NF2: variants seen among roughly 807,000 people sequenced by gnomAD.
The protein encoded by NF2 is NF2, moesin-ezrin-radixin like (MERLIN) tumor suppressor.
Under a neutral mutation model 83.7 loss-of-function variants are expected in NF2, and 8 were observed. That is an observed-to-expected ratio of 0.10 (90% CI 0.06 to 0.17). The LOEUF is 0.17. Ranked by LOEUF, NF2 falls within the 10% of genes least tolerant of loss-of-function variation. The pLI, the probability that NF2 is intolerant of heterozygous loss-of-function variation, is 1.00. For synonymous variants in NF2, 266 were observed against 269.6 expected (o/e 0.99, Z 0.13); for missense variants, 533 against 744.4 (o/e 0.72, Z 3.31).
At chr22:29,681,054 C>CT (rs572113720) in intron 14 of NF2, among the ~76,000 whole-genome samples, 8,343 of 143,620 alleles carry the variant, frequency 0.058, 299 homozygotes, top group Non-Finnish European at 0.083. Context: ...CTTTCCTTTT[C>CT]TTTTTTTTTT....
intron 13 of NF2, 25 bp downstream of exon 13, chr22:29,674,966 G>A (rs2147094412): frequency 6.5e-7 from 1 of 1,540,538 alleles, no homozygotes; most frequent in Non-Finnish European, 8.8e-7. Flanking sequence ...CACCAGCTGG[G>A]GCTGCCTTAG....
At chr22:29,633,647 C>T (rs2065573387) in intron 1 of NF2, among the ~76,000 whole-genome samples, 2 of 152,220 alleles carry the variant, frequency 1.3e-5, no homozygotes, top group Admixed American at 1.3e-4. Flanking sequence ...AGTTGAGCCA[C>T]CTGGTCCCAA....
At chr22:29,620,476 A>G (rs1460532601) in intron 1 of NF2, among the ~76,000 whole-genome samples, 1 of 152,048 alleles carries the variant, frequency 6.6e-6, no homozygotes, top group Non-Finnish European at 1.5e-5. Context: ...ATGGTGGCTC[A>G]TTCCTGTAAT....
intron 7 of NF2, among the ~76,000 whole-genome samples, chr22:29,660,954 T>C (rs2066460781): frequency 6.6e-6 from 1 of 152,242 alleles, no homozygotes; most frequent in African/African-American, 2.4e-5. Flanking sequence ...CCTTTAGCCA[T>C]CGAGCCAGTG....
At chr22:29,640,194 T>TAAA (rs11379333) in intron 3 of NF2, among the ~76,000 whole-genome samples, 353 of 92,786 alleles carry the variant, frequency 3.8e-3, no homozygotes, top group African/African-American at 0.013. Flanking sequence ...GACTCTGTCT[T>TAAA]AAAAAAAAAA....
intron 1 of NF2, among the ~76,000 whole-genome samples, chr22:29,625,945 T>C (rs575679401): frequency 1.3e-5 from 2 of 152,216 alleles, no homozygotes; most frequent in Non-Finnish European, 2.9e-5. Flanking sequence ...TTTAGTCTTC[T>C]TGTTTCAATA....
intron 10 of NF2, among the ~76,000 whole-genome samples, chr22:29,671,080 C>T (rs2066769144): frequency 6.6e-6 from 1 of 152,150 alleles, no homozygotes; most frequent in African/African-American, 2.4e-5. Context: ...GGTGAGATGG[C>T]TTGCCTGCCC....
At position 29,678,318 on chromosome 22, in the gene NF2, A is replaced by G. The variant is rs1194010738; in HGVS notation, c.1569A>G (p.Lys523=). 1 of 1,613,654 alleles carries G rather than the reference A, an allele frequency of 6.2e-7. No individual in the cohort carries two copies. Among genetic ancestry groups the G allele is most frequent in the African/African-American group, 1.3e-5 (1 of 74,894 alleles). Residue 523 remains lysine (K), a synonymous_variant, in exon 14 of 16, where the codon AAA becomes AAG. Transcript: ENST00000338641. Reference sequence around the variant, plus strand: ...AGCGGCTTTCCATGGAGATAGAGAAAGAAAAGTATGTAGCCCCCTGTGCCC... The same window carrying G: ...AGCGGCTTTCCATGGAGATAGAGAAGGAAAAGTATGTAGCCCCCTGTGCCC... ...DMKRLSMEIE[K]EKVEYMEKSK... is the part of the protein sequence containing the mutation.
intron 15 of NF2, among the ~76,000 whole-genome samples, chr22:29,693,339 T>C (rs1459702325): frequency 6.6e-6 from 1 of 152,234 alleles, no homozygotes; most frequent in Non-Finnish European, 1.5e-5. Flanking sequence ...AGAAGGCAGC[T>C]GAGCTGCCTC....
intron 4 of NF2, 149 bp downstream of exon 4, chr22:29,642,434 C>T (rs774625386): frequency 2.8e-6 from 2 of 704,016 alleles, no homozygotes; most frequent in Non-Finnish European, 5.1e-6. Context: ...CTTGAAGAAC[C>T]ACTGTCACTG....
chr22:29,628,627 CTTTTTT>C (rs5844863), intron 1 of NF2, among the ~76,000 whole-genome samples: 1 of 69,220 alleles, frequency 1.4e-5, no homozygotes, highest in Admixed American at 1.7e-4. Context: ...TTTGTGACAT[CTTTTTT>C]TTTTTTTTTT....
intron 4 of NF2, among the ~76,000 whole-genome samples, chr22:29,653,809 A>T (rs546883717): frequency 6.6e-6 from 1 of 152,354 alleles, no homozygotes; most frequent in Non-Finnish European, 1.5e-5. Flanking sequence ...ATAAATGTTT[A>T]TAGATTATAC....
At chr22:29,675,614 T>C (rs2147097436) in intron 13 of NF2, among the ~76,000 whole-genome samples, 1 of 152,044 alleles carries the variant, frequency 6.6e-6, no homozygotes, top group Non-Finnish European at 1.5e-5. Flanking sequence ...CAGGAGAGGC[T>C]CAGTGTGGTG....
intron 1 of NF2, among the ~76,000 whole-genome samples, chr22:29,632,757 G>T (rs1175259385): frequency 6.6e-6 from 1 of 152,172 alleles, no homozygotes; most frequent in African/African-American, 2.4e-5. Flanking sequence ...GCCATGTCTT[G>T]TATGTACACA....
intron 4 of NF2, among the ~76,000 whole-genome samples, chr22:29,650,375 A>G (rs1447788453): frequency 6.6e-6 from 1 of 152,190 alleles, no homozygotes; most frequent in Non-Finnish European, 1.5e-5. Context: ...TTGCTAATTG[A>G]TAGAAAAAGA....
intron 1 of NF2, among the ~76,000 whole-genome samples, chr22:29,630,235 G>GT (rs1348905008): frequency 6.6e-6 from 1 of 152,180 alleles, no homozygotes; most frequent in Non-Finnish European, 1.5e-5. Context: ...ATTGGTGCTG[G>GT]TTGCTTCCTA....
intron 1 of NF2, among the ~76,000 whole-genome samples, chr22:29,630,018 G>A (rs941939001): frequency 6.6e-6 from 1 of 152,130 alleles, no homozygotes; most frequent in African/African-American, 2.4e-5. Context: ...TACTCACCCC[G>A]CACTGTTGTA....
At chr22:29,679,410 C>T (rs1398965305) in intron 14 of NF2, among the ~76,000 whole-genome samples, 1 of 152,240 alleles carries the variant, frequency 6.6e-6, no homozygotes. Context: ...GTCCATGTTC[C>T]TTTCACCATT....
intron 4 of NF2, among the ~76,000 whole-genome samples, chr22:29,644,322 G>C (rs1330847513): frequency 5.2e-4 from 76 of 147,352 alleles, no homozygotes; most frequent in African/African-American, 2.0e-3. Flanking sequence ...CCCAGACGAT[G>C]GGCGGCCGGG....
Sources: gnomAD v4.1 joint callset for allele counts (sites outside exome capture counted in the v4.1 genomes callset) on GRCh38, gnomAD v4.1.1 for gene constraint, MANE v1.5 for transcripts, NCBI Gene and HGNC (gene_info 2026-07-23, HGNC 2026-07-21) for gene names.